The following RYR2 variants were observed in gnomAD, a reference collection of about 807,000 sequenced individuals.
RYR2 encodes the protein cardiac muscle ryanodine receptor-calcium release channel.
RYR2 carries 227 observed loss-of-function variants against 601.1 expected under a neutral mutation model. That is an observed-to-expected ratio of 0.38 (90% CI 0.34 to 0.42). RYR2 has a LOEUF of 0.42. Ranked by LOEUF, RYR2 falls within the 10% of genes least tolerant of loss-of-function variation. The pLI, the probability that RYR2 is intolerant of heterozygous loss-of-function variation, is 1.00. For missense variants in RYR2, 4,646 were observed against 6,156.5 expected (o/e 0.75, Z 8.21); for synonymous variants, 2,223 against 2,175.1 (o/e 1.02, Z -0.61).
chr1:237,313,844 A>G (rs1264827647), intron 2 of RYR2, among the ~76,000 whole-genome samples: 1 of 151,154 alleles, frequency 6.6e-6, no homozygotes, highest in Non-Finnish European at 1.5e-5. Context: ...TTTTTTATTT[A>G]TTGACTTATT....
At chr1:237,677,425 C>T (rs13374921) in intron 60 of RYR2, among the ~76,000 whole-genome samples, 6,284 of 152,194 alleles carry the variant, frequency 0.041, 413 homozygotes, top group African/African-American at 0.14. Context: ...ATGGGGAAAA[C>T]TTGGGTGTTT....
chr1:237,241,267 G>A (rs1352229567), intron 1 of RYR2, among the ~76,000 whole-genome samples: 2 of 152,132 alleles, frequency 1.3e-5, no homozygotes, highest in African/African-American at 4.8e-5. Flanking sequence ...GCATCCTTAG[G>A]TTAAACATGT....
Position 237,369,069 on chromosome 1 carries a change from C to T in RYR2, c.310-465C>T, listed in dbSNP as rs530654902. ...GAACTCCTGACCTCAGGTAATCGCC[C>T]GCCTCGGCCTCCCAAAGTGCTGGGA... On this transcript the variant is annotated intron_variant, in intron 5 of 104. Coordinates refer to ENST00000366574, the MANE Select transcript of RYR2 (RefSeq NM_001035.3). Among the ~76,000 whole-genome samples the T allele has an allele frequency of 5.3e-3, 803 of 151,962 alleles. 12 individuals carry two copies. The highest frequency in any genetic ancestry group is 5.6e-3 in the Non-Finnish European group (379 of 67,976).
chr1:237,380,675 C>T (rs1262274787), intron 8 of RYR2, among the ~76,000 whole-genome samples: 7 of 151,856 alleles, frequency 4.6e-5, no homozygotes, highest in East Asian at 1.9e-4. Flanking sequence ...GGCATGGTAG[C>T]TTATGCCTGT....
In RYR2 at chr1:237,627,862, C is replaced by A; in HGVS notation, c.6222C>A (p.Val2074=). Residue 2074 remains valine (V), a synonymous_variant, in exon 41 of 105, where the codon GTC becomes GTA. Transcript: ENST00000366574. ...ETMVRWAQES[V]IEDPELVRAM... is the part of the protein sequence containing the mutation. The stretch of plus-strand genomic sequence containing the variant: ...TGGTCCGATGGGCTCAGGAGTCTGT[C>A]ATTGAAGACCCCGAGCTGGTGAGGG... 6.2e-7 allele frequency: 1 copy of A among 1,613,508 alleles called. No individual in the cohort carries two copies. The highest frequency in any genetic ancestry group is 8.5e-7 in the Non-Finnish European group (1 of 1,179,694).
At chr1:237,252,558 A>T (rs577746754) in intron 1 of RYR2, among the ~76,000 whole-genome samples, 1 of 152,326 alleles carries the variant, frequency 6.6e-6, no homozygotes, top group South Asian at 2.1e-4. Flanking sequence ...GGGTGTAAGA[A>T]ATTGTTCTGT....
chr1:237,134,002 A>G (rs1672476709), intron 1 of RYR2, among the ~76,000 whole-genome samples: 1 of 150,262 alleles, frequency 6.7e-6, no homozygotes, highest in Non-Finnish European at 1.5e-5. Context: ...TTGGTTGTCC[A>G]CGTTTCCGTT....
intron 17 of RYR2, among the ~76,000 whole-genome samples, chr1:237,478,616 T>A (rs1052197768): frequency 6.6e-6 from 1 of 152,210 alleles, no homozygotes; most frequent in Non-Finnish European, 1.5e-5. Flanking sequence ...AGTTTTACTA[T>A]GTTTTGGATA....
At chr1:237,510,095 C>G (rs1162615944) in intron 23 of RYR2, among the ~76,000 whole-genome samples, 1 of 152,150 alleles carries the variant, frequency 6.6e-6, no homozygotes, top group Non-Finnish European at 1.5e-5. Context: ...AGACTTATGT[C>G]TGCTTTCAAA....
chr1:237,822,809 G>A (rs1662660479), intron 101 of RYR2, among the ~76,000 whole-genome samples: 1 of 152,098 alleles, frequency 6.6e-6, no homozygotes, highest in Non-Finnish European at 1.5e-5. Flanking sequence ...GACACACATG[G>A]GCTTAAAATA....
chr1:237,042,927 C>A (rs1299608427), intron 1 of RYR2, among the ~76,000 whole-genome samples: 1 of 152,164 alleles, frequency 6.6e-6, no homozygotes, highest in Non-Finnish European at 1.5e-5. Context: ...CGGCTGGGAC[C>A]TCCCGGGCGG....
chr1:237,383,530 C>T (rs1201236561), intron 8 of RYR2, among the ~76,000 whole-genome samples: 4 of 147,144 alleles, frequency 2.7e-5, no homozygotes, highest in Non-Finnish European at 6.0e-5. Flanking sequence ...CCCGGGTTCA[C>T]GCCATTCTCC....
chr1:237,637,956 G>A (rs866720759), intron 44 of RYR2, among the ~76,000 whole-genome samples: 4 of 152,054 alleles, frequency 2.6e-5, no homozygotes, highest in Non-Finnish European at 4.4e-5. Flanking sequence ...AGAAGGCACC[G>A]CGGGCTGAGG....
chr1:237,155,428 C>T (rs1675216602), intron 1 of RYR2, among the ~76,000 whole-genome samples: 1 of 151,882 alleles, frequency 6.6e-6, no homozygotes, highest in Non-Finnish European at 1.5e-5. Context: ...CACCCACCTC[C>T]ACCTCCCAAA....
At chr1:237,437,806 C>G (rs1408488633) in intron 12 of RYR2, among the ~76,000 whole-genome samples, 1 of 152,070 alleles carries the variant, frequency 6.6e-6, no homozygotes, top group Admixed American at 6.6e-5. Flanking sequence ...CTTAAGGTCT[C>G]AAGATTATTC....
chr1:237,526,923 G>C (rs1312054935), intron 24 of RYR2, among the ~76,000 whole-genome samples: 1 of 152,006 alleles, frequency 6.6e-6, no homozygotes, highest in Non-Finnish European at 1.5e-5. Flanking sequence ...TTTTTTCTAG[G>C]TTTTCTTCTA....
intron 2 of RYR2, among the ~76,000 whole-genome samples, chr1:237,295,636 G>A (rs1347895527): frequency 6.6e-6 from 1 of 152,106 alleles, no homozygotes; most frequent in Admixed American, 6.5e-5. Flanking sequence ...TTTAAACGTT[G>A]TAATAAGATC....
chr1:237,456,550 T>G, intron 15 of RYR2, 50 bp from the exon 16 acceptor site: 1 of 1,445,996 alleles, frequency 6.9e-7, no homozygotes, highest in Non-Finnish European at 9.1e-7. Context: ...GTAAGCAGAA[T>G]GACAGTTTTG....
chr1:237,820,658 A>G (rs1157728336), intron 101 of RYR2, among the ~76,000 whole-genome samples: 1 of 152,146 alleles, frequency 6.6e-6, no homozygotes, highest in Non-Finnish European at 1.5e-5. Context: ...GGCACCTGGG[A>G]TGCCAGCGAG....
Sources: gnomAD v4.1 joint callset for allele counts (sites outside exome capture counted in the v4.1 genomes callset) on GRCh38, gnomAD v4.1.1 for gene constraint, MANE v1.5 for transcripts, NCBI Gene and HGNC (gene_info 2026-07-23, HGNC 2026-07-21) for gene names.